The following KNL1 variants were observed in gnomAD, a reference collection of about 807,000 sequenced individuals.
KNL1 encodes the protein outer kinetochore KNL1 complex subunit KNL1.
KNL1 carries 66 observed loss-of-function variants against 201.3 expected under a neutral mutation model. The ratio of observed to expected loss-of-function variants is 0.33; its 90% confidence interval spans 0.27 to 0.40. The LOEUF is 0.40. KNL1 is among the 10% of genes least tolerant of loss of function. KNL1 has a pLI of 1.00. For missense variants in KNL1, 2,815 were observed against 2,690.5 expected (o/e 1.05, Z -1.02); for synonymous variants, 895 against 899.2 (o/e 1.00, Z 0.08).
chr15:40,633,467 T>C (rs1892972505), intron 13 of KNL1, among the ~76,000 whole-genome samples: 1 of 152,194 alleles, frequency 6.6e-6, no homozygotes, highest in Non-Finnish European at 1.5e-5. Context: ...CATATAATTA[T>C]GTACAGTAAC....
intron 13 of KNL1, among the ~76,000 whole-genome samples, chr15:40,639,565 A>G (rs1478476077): frequency 6.6e-6 from 1 of 150,902 alleles, no homozygotes; most frequent in Non-Finnish European, 1.5e-5. Context: ...AGCCTGGGCA[A>G]CAAGAGCAAA....
intron 13 of KNL1, among the ~76,000 whole-genome samples, chr15:40,635,957 C>T (rs1157350709): frequency 6.6e-6 from 1 of 152,202 alleles, no homozygotes; most frequent in African/African-American, 2.4e-5. Context: ...CTGCTTCAGC[C>T]TCCCCAGTAG....
In KNL1 at chr15:40,651,472, A is replaced by C. The variant is rs1244889127; in HGVS notation, c.6214A>C (p.Asn2072His). 6.3e-7 allele frequency: 1 copy of C among 1,587,752 alleles called. No individual in the cohort carries two copies. The highest frequency in any genetic ancestry group is 1.4e-5 in the African/African-American group (1 of 73,366). ...LKTEEEELQR[N>H]LLELEVQKEQ... The stretch of plus-strand genomic sequence containing the variant: ...CTGAATACCTGCTTTTATTTGCAGA[A>C]ATCTCTTAGAACTGGAGGTACAAAA... The change falls in exon 20 of 26, where the codon AAT becomes CAT. Residue 2072 changes from asparagine (N) to histidine (H), a missense_variant and splice_region_variant. Asn to His is a moderately conservative substitution (Grantham distance 68). Coordinates refer to ENST00000399668, the MANE Select transcript of KNL1 (RefSeq NM_144508.5).
rs139654626 is a variant in KNL1 at position 40,644,984 on chromosome 15, T to C, written c.5799-13T>C. The C allele has an allele frequency of 1.9e-6, 3 of 1,585,136 alleles. No individual in the cohort carries two copies. The highest frequency in any genetic ancestry group is 4.5e-5 in the East Asian group (2 of 44,502). ...TTTTCCCTACAGTGCTAATTAACTT[T>C]TCCGTATTTTAGATTAAAGCTTTCT... On this transcript the variant is annotated splice_polypyrimidine_tract_variant and intron_variant, in intron 14 of 25. Coordinates refer to ENST00000399668, the MANE Select transcript of KNL1 (RefSeq NM_144508.5).
intron 1 of KNL1, among the ~76,000 whole-genome samples, chr15:40,597,603 A>G (rs1891657849): frequency 6.6e-6 from 1 of 152,138 alleles, no homozygotes; most frequent in Admixed American, 6.6e-5. Context: ...ATGTGTCAAT[A>G]ATCAAGAGTT....
In KNL1 at chr15:40,623,464, G is replaced by A. The variant is rs1322821302; in HGVS notation, c.3200G>A (p.Ser1067Asn). The A allele has an allele frequency of 6.2e-7, 1 of 1,611,594 alleles. No individual in the cohort carries two copies. The highest frequency in any genetic ancestry group is 8.5e-7 in the Non-Finnish European group (1 of 1,179,326). ...TCAAGCAAAAGTCAGAGAAGAAAAA[G>A]CCTTAAGCTAAAAAATGACAAGACC... Reference protein sequence around the residue: ...PLSSKSQRRKSLKLKNDKTIV... With the variant: ...PLSSKSQRRKNLKLKNDKTIV... Residue 1067 changes from serine to asparagine, a missense_variant, in exon 10 of 26, where the codon AGC (serine) becomes AAC (asparagine). This residue lies in a region of KNL1 where 2,464 missense variants were observed against 2,291.7 expected (regional missense o/e 1.08). Coordinates refer to ENST00000399668, the MANE Select transcript of KNL1 (RefSeq NM_144508.5).
chr15:40,621,627 C>A lies in KNL1; in HGVS notation c.1363C>A (p.His455Asn). The A allele has an allele frequency of 6.2e-7, 1 of 1,612,172 alleles. No individual in the cohort carries two copies. The highest frequency in any genetic ancestry group is 8.5e-7 in the Non-Finnish European group (1 of 1,179,030). Reference sequence around the variant, plus strand: ...GAGAGAGGAGAAAAATTTGCTAAAGCATGACAGTAATTATGCTAAAATGTA... The same window carrying A: ...GAGAGAGGAGAAAAATTTGCTAAAGAATGACAGTAATTATGCTAAAATGTA... Reference protein sequence around the residue: ...NMREEKNLLKHDSNYAKMYCN... With the variant: ...NMREEKNLLKNDSNYAKMYCN... The change falls in exon 10 of 26, where the codon CAT becomes AAT. Residue 455 changes from histidine to asparagine, a missense_variant. This residue lies in a region of KNL1 where 2,464 missense variants were observed against 2,291.7 expected (regional missense o/e 1.08). Coordinates refer to ENST00000399668, the MANE Select transcript of KNL1 (RefSeq NM_144508.5).
At chr15:40,649,066 G>A (rs1379406054) in intron 17 of KNL1, among the ~76,000 whole-genome samples, 10 of 147,886 alleles carry the variant, frequency 6.8e-5, no homozygotes, top group South Asian at 4.3e-4. Context: ...TCGAACTCCC[G>A]ACCTCAGGTG....
chr15:40,660,773 A>AG (rs1893886391), intron 25 of KNL1, among the ~76,000 whole-genome samples: 1 of 151,390 alleles, frequency 6.6e-6, no homozygotes, highest in African/African-American at 2.4e-5. Flanking sequence ...GTATGAGAAT[A>AG]GCCTGGCCAA....
intron 16 of KNL1, 73 bp from the exon 17 acceptor site, chr15:40,646,914 G>T: frequency 1.6e-4 from 88 of 552,318 alleles, no homozygotes; most frequent in East Asian, 3.2e-4. Flanking sequence ...GAGCGATTAT[G>T]TGAGCAGTTT....
intron 6 of KNL1, chr15:40,610,963 T>A: frequency 2.6e-6 from 1 of 378,038 alleles, no homozygotes. Flanking sequence ...TTGGCCAGGC[T>A]GGTCTCGAAC....
intron 1 of KNL1, among the ~76,000 whole-genome samples, chr15:40,599,904 G>A (rs910835255): frequency 6.6e-6 from 1 of 151,038 alleles, no homozygotes; most frequent in African/African-American, 2.4e-5. Flanking sequence ...TGGAACTCCA[G>A]GGTTCCAGAG....
chr15:40,608,950 G>A, intron 5 of KNL1, 42 bp downstream of exon 5: 1 of 1,322,798 alleles, frequency 7.6e-7, no homozygotes, highest in African/African-American at 1.5e-5. Context: ...ATAGGTACTG[G>A]TATTTTGTGT....
chr15:40,604,396 G>C (rs980518848), intron 2 of KNL1, among the ~76,000 whole-genome samples: 1 of 152,124 alleles, frequency 6.6e-6, no homozygotes, highest in Non-Finnish European at 1.5e-5. Context: ...TTCTTTTTAA[G>C]AGACTGTGTC....
chr15:40,615,030 TG>T (rs1281841356), intron 7 of KNL1, among the ~76,000 whole-genome samples: 1 of 152,184 alleles, frequency 6.6e-6, no homozygotes, highest in Non-Finnish European at 1.5e-5. Flanking sequence ...CCCAAAGTGT[TG>T]GGATTACAGA....
chr15:40,628,875 G>A (rs1892824706), intron 12 of KNL1, among the ~76,000 whole-genome samples, 197 bp downstream of exon 12: 4 of 152,054 alleles, frequency 2.6e-5, no homozygotes, highest in Admixed American at 2.0e-4. Context: ...ATGATTAAAA[G>A]GTATTTGTTT....
At chr15:40,632,642 T>C (rs1392163555) in intron 13 of KNL1, among the ~76,000 whole-genome samples, 1 of 152,038 alleles carries the variant, frequency 6.6e-6, no homozygotes, top group African/African-American at 2.4e-5. Context: ...CCACAGAATG[T>C]GAGAAAACAG....
intron 13 of KNL1, among the ~76,000 whole-genome samples, chr15:40,632,914 A>G (rs942712119): frequency 2.6e-5 from 4 of 152,154 alleles, no homozygotes; most frequent in African/African-American, 9.7e-5. Context: ...AATAAATAAA[A>G]TACGACCCAA....
intron 1 of KNL1, among the ~76,000 whole-genome samples, chr15:40,596,254 A>G (rs1891615767): frequency 6.6e-6 from 1 of 152,146 alleles, no homozygotes; most frequent in East Asian, 1.9e-4. Context: ...GAAGGAAAAT[A>G]TGATATTTTA....
Sources: allele counts gnomAD v4.1 joint callset (sites outside exome capture counted in the v4.1 genomes callset), GRCh38; gene constraint gnomAD v4.1.1; regional missense constraint gnomAD v4.1.1; transcripts MANE v1.5; gene names NCBI Gene and HGNC (gene_info 2026-07-23, HGNC 2026-07-21).